The following PRIM2 variants were observed in gnomAD, a reference collection of about 807,000 sequenced individuals.
PRIM2 encodes DNA primase subunit 2.
Under a neutral mutation model 67.3 loss-of-function variants are expected in PRIM2, and 39 were observed. The ratio of observed to expected loss-of-function variants is 0.58; its 90% CI spans 0.45 to 0.76. The LOEUF is 0.76. PRIM2 is among the 30% of genes least tolerant of loss of function. The pLI is 0.00. For missense variants in PRIM2, 398 were observed against 598.7 expected (o/e 0.66, Z 3.50); for synonymous variants, 143 against 198.7 (o/e 0.72, Z 2.36).
At chr6:57,463,276 G>T (rs1329547147) in intron 7 of PRIM2, among the ~76,000 whole-genome samples, 1 of 152,180 alleles carries the variant, frequency 6.6e-6, no homozygotes, top group African/African-American at 2.4e-5. Flanking sequence ...AGGATCGCTT[G>T]AGGCGAGGAG....
chr6:57,293,549 T>C, the PRIM2 span, among the ~76,000 whole-genome samples: 1 of 152,186 alleles, frequency 6.6e-6, no homozygotes, highest in African/African-American at 2.4e-5. Flanking sequence ...ATATTTATTG[T>C]GGCACTATTC....
rs62401684 is a variant in PRIM2 at position 57,427,349 on chromosome 6, C to T, written c.693+45181C>T. 5.9e-5 allele frequency among the ~76,000 whole-genome samples: 9 copies of T among 152,074 alleles called. No individual in the cohort carries two copies. In the South Asian group the frequency reaches 1.2e-3, roughly 21 times the overall value. ...CAATTCTTTTTTCTTTGAGACTTGT[C>T]GCTCTGTTGCTCAGGCTGGAGTGCA... On this transcript the variant is annotated intron_variant, in intron 7 of 13. Transcript: ENST00000615550.
chr6:57,433,756 G>A (rs534770535), intron 7 of PRIM2, among the ~76,000 whole-genome samples: 2 of 152,108 alleles, frequency 1.3e-5, no homozygotes, highest in East Asian at 3.9e-4. Context: ...TATTTTATTT[G>A]GTTTACAGTG....
chr6:57,646,157 A>T lies in PRIM2; in HGVS notation c.1529A>T (p.Ter510LeuextTer4). ...GLEDYFSEDS[*>L] ...GAAGATTACTTTAGTGAAGATTCTT[A>T]GGCAGTTTTATAACCCTTTTTCCTC... The change falls in exon 14 of 14, where the codon TAG (stop) becomes TTG (leucine). Residue 510 changes from the stop codon to leucine (L), a stop_lost. Transcript: ENST00000615550. 6.3e-7 allele frequency: 1 copy of T among 1,578,920 alleles called. No homozygotes were observed.
At chr6:57,298,090 C>T in the PRIM2 span, among the ~76,000 whole-genome samples, 3 of 152,064 alleles carry the variant, frequency 2.0e-5, no homozygotes, top group African/African-American at 4.8e-5. Flanking sequence ...GGTCTGGTGC[C>T]GTGGCTCATG....
intron 7 of PRIM2, among the ~76,000 whole-genome samples, chr6:57,428,396 C>A (rs1339908408): frequency 1.3e-5 from 2 of 152,102 alleles, no homozygotes; most frequent in Non-Finnish European, 2.9e-5. Context: ...CTGTTAAGAT[C>A]CAAGACTATA....
At chr6:57,442,834 T>C (rs1025271925) in intron 7 of PRIM2, among the ~76,000 whole-genome samples, 8 of 152,128 alleles carry the variant, frequency 5.3e-5, no homozygotes, top group Non-Finnish European at 1.0e-4. Context: ...TGCAATACCC[T>C]GTTATTAACT....
chr6:57,513,763 G>T (rs1311757191), intron 8 of PRIM2, among the ~76,000 whole-genome samples: 4 of 152,096 alleles, frequency 2.6e-5, no homozygotes, highest in African/African-American at 9.7e-5. Context: ...AATCCCAGCT[G>T]CTCAGGAGGC....
chr6:57,594,818 C>T (rs1231106298), intron 10 of PRIM2, among the ~76,000 whole-genome samples: 1 of 152,100 alleles, frequency 6.6e-6, no homozygotes, highest in Non-Finnish European at 1.5e-5. Context: ...AATAAAAACA[C>T]CTGCTCATCA....
chr6:57,417,532 T>C (rs1371169652), intron 7 of PRIM2, among the ~76,000 whole-genome samples: 1 of 152,088 alleles, frequency 6.6e-6, no homozygotes, highest in Non-Finnish European at 1.5e-5. Flanking sequence ...TCTCAGAGAA[T>C]AGGGAAGCTC....
At chr6:57,312,920 C>A (rs1224033244), upstream of PRIM2, among the ~76,000 whole-genome samples, 1 of 152,156 alleles carries the variant, frequency 6.6e-6, no homozygotes, top group African/African-American at 2.4e-5. Flanking sequence ...AGCCAATTGT[C>A]CCAGCACCAT....
chr6:57,579,507 A>T (rs1228616220), intron 10 of PRIM2, among the ~76,000 whole-genome samples: 3 of 152,180 alleles, frequency 2.0e-5, no homozygotes, highest in African/African-American at 4.8e-5. Context: ...ATGTAATCTA[A>T]TAAGTGAAAC....
At chr6:57,461,220 T>C (rs1581930408) in intron 7 of PRIM2, among the ~76,000 whole-genome samples, 1 of 152,206 alleles carries the variant, frequency 6.6e-6, no homozygotes, top group Non-Finnish European at 1.5e-5. Flanking sequence ...GGTAAGTAAG[T>C]GGCTTTGATG....
chr6:57,646,147 GA>G lies in PRIM2; in HGVS notation c.1521del (p.Asp508IlefsTer25). 1 of 1,571,526 alleles carries G rather than the reference GA, an allele frequency of 6.4e-7. No individual in the cohort carries two copies. The highest frequency in any genetic ancestry group is 8.8e-7 in the Non-Finnish European group (1 of 1,142,038). On this transcript the variant is annotated frameshift_variant, in exon 14 of 14. Transcript: ENST00000615550. LOFTEE classifies it high-confidence loss of function. ...GGAAGGACTAGAAGATTACTTTAGT[GA>G]AGATTCTTAGGCAGTTTTATAACCC... Reference protein sequence around the residue: ...DMEGLEDYFSEDS With the variant: ...DMEGLEDYFSXDS
At chr6:57,422,985 A>G (rs1771513341) in intron 7 of PRIM2, among the ~76,000 whole-genome samples, 1 of 152,240 alleles carries the variant, frequency 6.6e-6, no homozygotes, top group Non-Finnish European at 1.5e-5. Flanking sequence ...GGAGTTTGTC[A>G]GGTATTATAT....
rs1772366960 is a variant in PRIM2, at chr6:57,446,418, C to CTTTTCTTTTTTTTTTTT, written c.694-60965_694-60964insCTTTTTTTTTTTTTTTT. On this transcript the variant is annotated intron_variant, in intron 7 of 13. Coordinates refer to ENST00000615550, the MANE Select transcript of PRIM2 (RefSeq NM_000947.5). ...GGCATAGGCCTGGCACACGCCACTT[C>CTTTTCTTTTTTTTTTTT]TTTTTTTTTTTTTTTGAGACAGTCT... is the stretch of plus-strand genomic sequence containing the variant. Among the ~76,000 whole-genome samples, 13 of 83,812 alleles carry CTTTTCTTTTTTTTTTTT rather than the reference C, an allele frequency of 1.6e-4. 1 individual carries two copies. Among genetic ancestry groups the CTTTTCTTTTTTTTTTTT allele is most frequent in the African/African-American group, 5.3e-4 (11 of 20,574 alleles). 55.0% of individuals were successfully genotyped at this position (83,812 alleles called of 152,430 possible). A position where few individuals can be genotyped will look rare whatever the true frequency, so the allele number is the denominator to read the frequency against.
intron 9 of PRIM2, among the ~76,000 whole-genome samples, chr6:57,532,888 A>G (rs1378770265): frequency 6.6e-6 from 1 of 152,152 alleles, no homozygotes. Context: ...TCAAAGGGAT[A>G]GTAGGTTTGA....
At chr6:57,610,686 C>T (rs1427748574) in intron 12 of PRIM2, among the ~76,000 whole-genome samples, 1 of 151,808 alleles carries the variant, frequency 6.6e-6, no homozygotes, top group Non-Finnish European at 1.5e-5. Flanking sequence ...TATTTATGCC[C>T]CAACAACATA....
At chr6:57,376,203 G>T (rs1769758254) in intron 5 of PRIM2, among the ~76,000 whole-genome samples, 5 of 151,820 alleles carry the variant, frequency 3.3e-5, no homozygotes, top group Non-Finnish European at 5.9e-5. Context: ...GTTAGAGATG[G>T]GGGTCTCACT....
Sources: gnomAD v4.1 joint callset for allele counts (sites outside exome capture counted in the v4.1 genomes callset) on GRCh38, gnomAD v4.1.1 for gene constraint, MANE v1.5 for transcripts, NCBI Gene and HGNC (gene_info 2026-07-23, HGNC 2026-07-21) for gene names.